Variants in MAGI2 observed in about 807,000 individuals in gnomAD.
MAGI2 encodes membrane-associated guanylate kinase, WW and PDZ domain-containing protein 2.
MAGI2 carries 35 observed loss-of-function variants against 133.3 expected under a neutral mutation model. The observed-to-expected ratio is 0.26, with a 90% CI of 0.20 to 0.35. MAGI2 has a LOEUF of 0.35. Among genes scored for constraint, MAGI2 ranks in the 10% least tolerant of loss-of-function variants. MAGI2 has a pLI of 1.00. For missense variants in MAGI2, 1,636 were observed against 1,863.4 expected, an observed-to-expected ratio of 0.88 and a Z score of 2.25; for synonymous variants, 729 against 710.6, an observed-to-expected ratio of 1.03 and a Z score of -0.41.
chr7:78,724,298 T>C (rs1032591596), intron 2 of MAGI2, among the ~76,000 whole-genome samples: 5 of 152,130 alleles, frequency 3.3e-5, no homozygotes, highest in Admixed American at 3.3e-4. Context: ...TTGCAATGCT[T>C]ATATTCTGTG....
At chr7:79,435,465 T>G (rs1011631355) in intron 1 of MAGI2, among the ~76,000 whole-genome samples, 59 of 152,136 alleles carry the variant, frequency 3.9e-4, no homozygotes, top group Admixed American at 3.0e-3. Flanking sequence ...AGAATCTGGA[T>G]CTAATTTTTA....
chr7:78,127,516 C>G, intron 18 of MAGI2, 100 bp from the exon 19 acceptor site: 2 of 772,288 alleles, frequency 2.6e-6, no homozygotes, highest in Middle Eastern at 2.3e-4. Flanking sequence ...TGACAGCTCA[C>G]ACAAACCACT....
At chr7:78,761,455 T>C (rs1824497695) in intron 2 of MAGI2, among the ~76,000 whole-genome samples, 1 of 151,570 alleles carries the variant, frequency 6.6e-6, no homozygotes, top group Admixed American at 6.6e-5. Flanking sequence ...TGTTAAAATA[T>C]GTAGATTCTG....
At chr7:78,884,184 A>AGTGG (rs1400252181) in intron 2 of MAGI2, among the ~76,000 whole-genome samples, 1 of 152,220 alleles carries the variant, frequency 6.6e-6, no homozygotes, top group Non-Finnish European at 1.5e-5. Context: ...CCCCATTAAA[A>AGTGG]GTGGGTAATG....
At chr7:78,124,073 T>C (rs1177353773) in intron 20 of MAGI2, among the ~76,000 whole-genome samples, 1 of 152,232 alleles carries the variant, frequency 6.6e-6, no homozygotes, top group Admixed American at 6.5e-5. Flanking sequence ...GGCCACTGTT[T>C]GTAACCGACA....
intron 1 of MAGI2, among the ~76,000 whole-genome samples, chr7:79,194,603 G>T (rs1467944967): frequency 1.3e-5 from 2 of 151,698 alleles, no homozygotes; most frequent in Non-Finnish European, 2.9e-5. Flanking sequence ...CTAGTTAAAA[G>T]GTTTTTGTAC....
At chr7:78,508,685 T>A (rs1357846913) in intron 4 of MAGI2, among the ~76,000 whole-genome samples, 1 of 152,100 alleles carries the variant, frequency 6.6e-6, no homozygotes, top group East Asian at 1.9e-4. Flanking sequence ...ACACATCATA[T>A]ATATATCAGA....
intron 2 of MAGI2, among the ~76,000 whole-genome samples, chr7:78,835,598 T>G (rs925559811): frequency 3.3e-5 from 5 of 152,178 alleles, no homozygotes; most frequent in African/African-American, 1.2e-4. Context: ...TGTAACAATG[T>G]GATCACAAAC....
chr7:79,222,978 G>A (rs1473477235), intron 1 of MAGI2, among the ~76,000 whole-genome samples: 1 of 151,858 alleles, frequency 6.6e-6, no homozygotes, highest in African/African-American at 2.4e-5. Context: ...TCCGCCTCCC[G>A]GGTTCACGCC....
intron 2 of MAGI2, among the ~76,000 whole-genome samples, chr7:78,762,184 C>T (rs1036475547): frequency 7.8e-5 from 5 of 64,462 alleles, no homozygotes; most frequent in African/African-American, 3.1e-4. Context: ...TGGCTGGCAC[C>T]TGTAATCCCA....
intron 1 of MAGI2, among the ~76,000 whole-genome samples, chr7:79,396,371 G>C (rs1214856142): frequency 2.0e-5 from 3 of 152,178 alleles, no homozygotes; most frequent in Admixed American, 6.5e-5. Context: ...AATCAGCTGG[G>C]AAGAACTGCC....
intron 2 of MAGI2, among the ~76,000 whole-genome samples, chr7:78,748,390 G>T (rs1313202218): frequency 6.6e-6 from 1 of 152,140 alleles, no homozygotes; most frequent in Non-Finnish European, 1.5e-5. Context: ...AGGAAAGAAG[G>T]ATAAGATCCT....
chr7:79,103,374 T>C (rs1818160073), intron 1 of MAGI2, among the ~76,000 whole-genome samples: 1 of 152,158 alleles, frequency 6.6e-6, no homozygotes, highest in Non-Finnish European at 1.5e-5. Flanking sequence ...GGGTAATCCA[T>C]ACACTGGGCT....
At chr7:78,104,323 C>A (rs190127602) in intron 20 of MAGI2, among the ~76,000 whole-genome samples, 1 of 151,796 alleles carries the variant, frequency 6.6e-6, no homozygotes, top group South Asian at 2.1e-4. Context: ...CCTGGGTTCG[C>A]GCCATTCTCC....
At chr7:78,495,016 G>A (rs1241651328) in intron 5 of MAGI2, among the ~76,000 whole-genome samples, 1 of 152,170 alleles carries the variant, frequency 6.6e-6, no homozygotes, top group Non-Finnish European at 1.5e-5. Context: ...GGAGTCAACA[G>A]CAACTCAAAA....
intron 21 of MAGI2, 153 bp downstream of exon 21, chr7:78,078,788 ATGTGTG>A (rs67657112): frequency 1.2e-4 from 73 of 624,830 alleles, no homozygotes; most frequent in Admixed American, 3.7e-4. Context: ...GTGTGTGTGT[ATGTGTG>A]TGTGTGTGTG....
At chr7:78,966,828 T>C (rs1208458710) in intron 2 of MAGI2, among the ~76,000 whole-genome samples, 2 of 134,030 alleles carry the variant, frequency 1.5e-5, no homozygotes, top group Non-Finnish European at 3.1e-5. Context: ...GATCTTTGCC[T>C]ACACGTCTTT....
chr7:78,606,433 T>C (rs1165602187), intron 3 of MAGI2, among the ~76,000 whole-genome samples: 1 of 151,168 alleles, frequency 6.6e-6, no homozygotes, highest in African/African-American at 2.4e-5. Flanking sequence ...GCCACAAATA[T>C]AAGAAAAGGT....
intron 9 of MAGI2, among the ~76,000 whole-genome samples, chr7:78,296,897 G>A (rs1314035885): frequency 2.6e-5 from 4 of 152,200 alleles, no homozygotes; most frequent in African/African-American, 7.2e-5. Context: ...AGTTAGGTAC[G>A]TTTACACAAG....
Sources: allele counts gnomAD v4.1 joint callset (sites outside exome capture counted in the v4.1 genomes callset), GRCh38; gene constraint gnomAD v4.1.1; transcripts MANE v1.5; gene names NCBI Gene and HGNC (gene_info 2026-07-23, HGNC 2026-07-21).